The following DMD variants were observed in gnomAD, a reference collection of about 807,000 sequenced individuals.
DMD encodes the protein mutant dystrophin.
In DMD, 63 loss-of-function variants were observed where a neutral mutation model predicts 330.1. The observed-to-expected ratio is 0.19, with a 90% CI of 0.16 to 0.24. The LOEUF is 0.24. Among genes scored for constraint, DMD ranks in the 10% least tolerant of loss-of-function variants. DMD has a pLI of 1.00. For synonymous variants in DMD, 1,223 were observed against 959.8 expected (o/e 1.27, Z -5.07); for missense variants, 3,344 against 2,684.1 (o/e 1.25, Z -5.43).
intron 60 of DMD, among the ~76,000 whole-genome samples, chrX:31,367,369 T>C (rs1377753886): frequency 9.0e-6 from 1 of 111,648 alleles, no homozygotes; most frequent in Non-Finnish European, 1.9e-5. Flanking sequence ...ATTTTCATTT[T>C]ACAGGATATG....
intron 17 of DMD, among the ~76,000 whole-genome samples, chrX:32,544,016 C>T (rs1603635931): frequency 9.0e-6 from 1 of 111,658 alleles, no homozygotes; most frequent in Middle Eastern, 4.6e-3. Flanking sequence ...TATTATTTTT[C>T]TTTTGATTAT....
chrX:32,977,215 G>A (rs1253417711), intron 2 of DMD, among the ~76,000 whole-genome samples: 2 of 110,792 alleles, frequency 1.8e-5, no homozygotes, highest in African/African-American at 6.6e-5. Flanking sequence ...CAGGAGAATC[G>A]CTTGAACCCA....
chrX:31,690,802 G>C (rs1208304049), intron 52 of DMD, among the ~76,000 whole-genome samples: 2 of 111,624 alleles, frequency 1.8e-5, no homozygotes, highest in Non-Finnish European at 3.8e-5. Context: ...AAAAGGATGA[G>C]TTCACATCCT....
intron 1 of DMD, among the ~76,000 whole-genome samples, chrX:33,115,801 G>A (rs1569555509): frequency 2.7e-5 from 3 of 110,461 alleles, no homozygotes; most frequent in Middle Eastern, 4.2e-3. Flanking sequence ...GAGCCACTGC[G>A]CCCGGCCAAA....
intron 48 of DMD, among the ~76,000 whole-genome samples, chrX:31,872,452 C>T (rs1260943841): frequency 9.0e-6 from 1 of 111,368 alleles, no homozygotes; most frequent in Non-Finnish European, 1.9e-5. Flanking sequence ...AAAACCATTC[C>T]GGGGGGCACA....
chrX:32,190,727 A>G (rs1409106503), intron 44 of DMD, among the ~76,000 whole-genome samples: 4 of 108,130 alleles, frequency 3.7e-5, no homozygotes, highest in African/African-American at 1.3e-4. Context: ...AGGTTAGAAC[A>G]TTCGAAATCT....
At chrX:32,080,946 A>G (rs189086888) in intron 44 of DMD, among the ~76,000 whole-genome samples, 121 of 112,199 alleles carry the variant, frequency 1.1e-3, no homozygotes, top group Admixed American at 3.8e-3. Flanking sequence ...GAGGTGCCCA[A>G]TGATATTATA....
intron 1 of DMD, among the ~76,000 whole-genome samples, chrX:33,124,122 T>A (rs1005655700): frequency 9.1e-6 from 1 of 110,045 alleles, no homozygotes; most frequent in Non-Finnish European, 1.9e-5. Flanking sequence ...GCCCAGATAG[T>A]GCCATTGCAC....
chrX:33,011,031 A>G (rs760574351), intron 2 of DMD, among the ~76,000 whole-genome samples: 2 of 111,449 alleles, frequency 1.8e-5, no homozygotes, highest in Non-Finnish European at 3.8e-5. Context: ...TGGAGTGTGC[A>G]TGGTATCAAA....
chrX:32,668,978 T>C (rs764183959), intron 9 of DMD, among the ~76,000 whole-genome samples: 4 of 111,483 alleles, frequency 3.6e-5, no homozygotes, highest in Admixed American at 9.6e-5. Flanking sequence ...TGATACCACA[T>C]ATTTTATATA....
intron 1 of DMD, among the ~76,000 whole-genome samples, chrX:33,109,210 G>A (rs915217256): frequency 3.6e-5 from 4 of 111,187 alleles, no homozygotes; most frequent in Admixed American, 1.9e-4. Context: ...TGGTTAACTA[G>A]TAGTGTCCAT....
intron 16 of DMD, among the ~76,000 whole-genome samples, chrX:32,564,959 T>C (rs868114980): frequency 5.4e-5 from 6 of 111,988 alleles, no homozygotes; most frequent in African/African-American, 1.6e-4. Context: ...TGGCAGAATA[T>C]GTTAAATACT....
intron 63 of DMD, among the ~76,000 whole-genome samples, chrX:31,246,157 G>GA (rs1466956390): frequency 2.7e-5 from 3 of 112,348 alleles, no homozygotes; most frequent in African/African-American, 9.7e-5. Flanking sequence ...TGAGTGCTCT[G>GA]AATAGAAGAT....
chrX:31,480,578 GTGTGTGTGT>G, intron 57 of DMD, among the ~76,000 whole-genome samples: 1 of 108,681 alleles, frequency 9.2e-6, no homozygotes, highest in Non-Finnish European at 1.9e-5. Flanking sequence ...GTGTGTGTGT[GTGTGTGTGT>G]GTGTGTGTGT....
At chrX:31,284,899 A>G (rs1480574880) in intron 62 of DMD, among the ~76,000 whole-genome samples, 4 of 108,141 alleles carry the variant, frequency 3.7e-5, no homozygotes, top group Non-Finnish European at 5.7e-5. Flanking sequence ...ATTCTTTTTT[A>G]TCACTCTCCT....
At chrX:31,408,033 AATG>A (rs1279794012) in intron 60 of DMD, among the ~76,000 whole-genome samples, 4 of 112,540 alleles carry the variant, frequency 3.6e-5, no homozygotes, top group Non-Finnish European at 5.6e-5. Flanking sequence ...GTTTCGATTT[AATG>A]ATGATAGCGT....
At chrX:31,530,407 C>G (rs1347859486) in intron 55 of DMD, among the ~76,000 whole-genome samples, 1 of 111,821 alleles carries the variant, frequency 8.9e-6, no homozygotes, top group African/African-American at 3.2e-5. Context: ...ACTCTGGGAG[C>G]TCCTAAGGGC....
At chrX:32,781,187 C>T (rs779761914) in intron 7 of DMD, among the ~76,000 whole-genome samples, 1 of 108,843 alleles carries the variant, frequency 9.2e-6, no homozygotes, top group African/African-American at 3.3e-5. Flanking sequence ...TAATAAAGGT[C>T]CCAGCACATG....
intron 44 of DMD, among the ~76,000 whole-genome samples, chrX:32,005,468 G>T: frequency 9.0e-6 from 1 of 110,702 alleles, no homozygotes; most frequent in Middle Eastern, 4.7e-3. Flanking sequence ...TGTGTTATTA[G>T]GATAATAAGG....
Sources: gnomAD v4.1 joint callset for allele counts (sites outside exome capture counted in the v4.1 genomes callset) on GRCh38, gnomAD v4.1.1 for gene constraint, MANE v1.5 for transcripts, NCBI Gene and HGNC (gene_info 2026-07-23, HGNC 2026-07-21) for gene names.